The following NAV2 variants were observed in gnomAD, a reference collection of about 807,000 sequenced individuals.
NAV2 encodes the protein helicase, APC down-regulated 1.
Under a neutral mutation model 223.2 loss-of-function variants are expected in NAV2, and 54 were observed. The ratio of observed to expected loss-of-function variants is 0.24; its 90% CI spans 0.19 to 0.30. The LOEUF (loss-of-function observed/expected upper bound fraction) is 0.30. NAV2 is among the 10% of genes least tolerant of loss of function. The pLI is 1.00. For missense variants in NAV2, 2,806 were observed against 3,147.5 expected (o/e 0.89, Z 2.60); for synonymous variants, 1,279 against 1,239.3 (o/e 1.03, Z -0.67).
At chr11:19,561,253 C>G (rs1296153694) in intron 1 of NAV2, among the ~76,000 whole-genome samples, 1 of 152,174 alleles carries the variant, frequency 6.6e-6, no homozygotes. Context: ...CATGACGGTA[C>G]TGCTCAGTGT....
At chr11:19,466,423 T>G (rs1435202377) in intron 1 of NAV2, among the ~76,000 whole-genome samples, 1 of 152,222 alleles carries the variant, frequency 6.6e-6, no homozygotes, top group African/African-American at 2.4e-5. Flanking sequence ...TCTCTTTGCT[T>G]TTGTTTCTGA....
At chr11:19,787,071 T>C (rs2057169364) in intron 1 of NAV2, among the ~76,000 whole-genome samples, 1 of 152,028 alleles carries the variant, frequency 6.6e-6, no homozygotes, top group Non-Finnish European at 1.5e-5. Flanking sequence ...ATAACCACTC[T>C]GGGTGCCAGA....
At chr11:19,627,475 T>G (rs1590721208) in intron 1 of NAV2, among the ~76,000 whole-genome samples, 1 of 147,094 alleles carries the variant, frequency 6.8e-6, no homozygotes, top group Non-Finnish European at 1.5e-5. Flanking sequence ...AAGTGGGAGG[T>G]TTTTCATGCA....
At chr11:19,963,251 CTG>C (rs959813092) in intron 10 of NAV2, among the ~76,000 whole-genome samples, 71 of 152,272 alleles carry the variant, frequency 4.7e-4, no homozygotes, top group African/African-American at 1.6e-3. Context: ...GCAATAGAGA[CTG>C]TTTCTCGTCC....
chr11:19,796,442 T>C (rs1442014831), intron 1 of NAV2, among the ~76,000 whole-genome samples: 1 of 152,240 alleles, frequency 6.6e-6, no homozygotes, highest in Non-Finnish European at 1.5e-5. Flanking sequence ...GTGAACCCTT[T>C]CTTGGTGCCA....
chr11:19,807,344 C>A (rs1460763238), intron 1 of NAV2, among the ~76,000 whole-genome samples: 1 of 152,206 alleles, frequency 6.6e-6, no homozygotes. Flanking sequence ...CCTGCTCCAC[C>A]CCCAGGGAGC....
intron 6 of NAV2, among the ~76,000 whole-genome samples, chr11:19,894,148 G>A (rs954974952): frequency 1.3e-5 from 2 of 152,070 alleles, no homozygotes; most frequent in Admixed American, 6.5e-5. Context: ...CCTATTTTAC[G>A]AAAGATGAAA....
chr11:20,095,817 C>A, intron 30 of NAV2, 50 bp downstream of exon 30: 2 of 1,374,410 alleles, frequency 1.5e-6, no homozygotes, highest in Non-Finnish European at 2.1e-6. Flanking sequence ...CATGGGCATC[C>A]GGGCCTGGGG....
At chr11:19,556,198 T>C (rs2044884591) in intron 1 of NAV2, among the ~76,000 whole-genome samples, 1 of 152,220 alleles carries the variant, frequency 6.6e-6, no homozygotes, top group African/African-American at 2.4e-5. Context: ...GAGAAGACAC[T>C]CATCCTAATG....
At chr11:19,708,899 TAAAA>T (rs77460734), upstream of NAV2, among the ~76,000 whole-genome samples, 1 of 114,560 alleles carries the variant, frequency 8.7e-6, no homozygotes, top group African/African-American at 3.2e-5. Context: ...ATGCATATAG[TAAAA>T]AAAAAAAAAA....
intron 1 of NAV2, among the ~76,000 whole-genome samples, chr11:19,570,419 T>C (rs2045391451): frequency 6.6e-6 from 1 of 152,160 alleles, no homozygotes; most frequent in Non-Finnish European, 1.5e-5. Flanking sequence ...AGATACAACA[T>C]CAAAACCATC....
intron 25 of NAV2, among the ~76,000 whole-genome samples, chr11:20,082,074 AT>A: frequency 1.3e-5 from 2 of 152,268 alleles, no homozygotes; most frequent in East Asian, 3.9e-4. Flanking sequence ...TAAAATAACC[AT>A]TTTCTGAGTA....
chr11:19,395,205 G>A (rs1002013331), intron 1 of NAV2, among the ~76,000 whole-genome samples: 5 of 152,254 alleles, frequency 3.3e-5, no homozygotes, highest in African/African-American at 7.2e-5. Flanking sequence ...CTGAGTGGGC[G>A]CATGCTGTGC....
intron 1 of NAV2, among the ~76,000 whole-genome samples, chr11:19,816,098 C>T (rs896090154): frequency 2.0e-5 from 3 of 152,158 alleles, no homozygotes; most frequent in African/African-American, 4.8e-5. Context: ...AAATAATAAA[C>T]ATGAAAAACC....
intron 11 of NAV2, among the ~76,000 whole-genome samples, chr11:20,012,353 T>G (rs1361495327): frequency 6.6e-6 from 1 of 152,188 alleles, no homozygotes; most frequent in Non-Finnish European, 1.5e-5. Flanking sequence ...TGCACCAACC[T>G]AATACCATGA....
At chr11:19,562,097 G>A (rs940296933) in intron 1 of NAV2, among the ~76,000 whole-genome samples, 2 of 152,330 alleles carry the variant, frequency 1.3e-5, no homozygotes, top group Middle Eastern at 3.4e-3. Flanking sequence ...TTCCCTGGCA[G>A]TGGTAATATA....
chr11:19,492,363 C>T (rs1296352470), intron 1 of NAV2, among the ~76,000 whole-genome samples: 1 of 152,000 alleles, frequency 6.6e-6, no homozygotes, highest in Non-Finnish European at 1.5e-5. Context: ...TCTCAGCTTC[C>T]CTCGTAGCCA....
intron 11 of NAV2, among the ~76,000 whole-genome samples, chr11:19,990,380 A>G (rs1232684312): frequency 6.6e-6 from 1 of 152,184 alleles, no homozygotes; most frequent in East Asian, 1.9e-4. Flanking sequence ...CAGTCATTCA[A>G]AAACTTTTCT....
chr11:19,352,681 G>A (rs1853393562), intron 1 of NAV2, among the ~76,000 whole-genome samples: 1 of 152,092 alleles, frequency 6.6e-6, no homozygotes, highest in Non-Finnish European at 1.5e-5. Flanking sequence ...TCCATGCTTG[G>A]GTGAGCTCTC....
Sources: allele counts gnomAD v4.1 joint callset (sites outside exome capture counted in the v4.1 genomes callset), GRCh38; gene constraint gnomAD v4.1.1; transcripts MANE v1.5; gene names NCBI Gene and HGNC (gene_info 2026-07-23, HGNC 2026-07-21).